Variants in MAP3K20 observed in about 807,000 individuals in gnomAD.
The protein encoded by MAP3K20 is HCCS-4.
A neutral mutation model predicts 85.7 loss-of-function variants in MAP3K20; 40 were observed. The ratio of observed to expected loss-of-function variants is 0.47; its 90% CI spans 0.36 to 0.61. MAP3K20 has a LOEUF of 0.61. MAP3K20 is among the 20% of genes least tolerant of loss of function. The probability of loss-of-function intolerance (pLI) is 0.00; values close to 1 mark genes in which losing one functional copy is unlikely to be tolerated. For synonymous variants in MAP3K20, 325 were observed against 327.7 expected, an observed-to-expected ratio of 0.99 and a Z score of 0.09; for missense variants, 817 against 961.7, an observed-to-expected ratio of 0.85 and a Z score of 1.99.
intron 9 of MAP3K20, among the ~76,000 whole-genome samples, chr2:173,207,816 T>C (rs1373845547): frequency 6.6e-6 from 1 of 152,108 alleles, no homozygotes; most frequent in Non-Finnish European, 1.5e-5. Flanking sequence ...AGACAAAGTG[T>C]TGTATTCTGT....
intron 2 of MAP3K20, among the ~76,000 whole-genome samples, chr2:173,126,101 A>G (rs1688435178): frequency 6.6e-6 from 1 of 152,228 alleles, no homozygotes; most frequent in African/African-American, 2.4e-5. Context: ...AAATTTCTTT[A>G]TGGGACTATA....
At chr2:173,168,989 TCAC>T (rs1689922010) in intron 2 of MAP3K20, among the ~76,000 whole-genome samples, 1 of 152,170 alleles carries the variant, frequency 6.6e-6, no homozygotes, top group South Asian at 2.1e-4. Context: ...TCCTATCGAA[TCAC>T]CACTGAAGGT....
At chr2:173,154,122 C>G (rs1689386682) in intron 2 of MAP3K20, among the ~76,000 whole-genome samples, 1 of 151,976 alleles carries the variant, frequency 6.6e-6, no homozygotes, top group South Asian at 2.1e-4. Context: ...CACATTCTAG[C>G]CAAACTAAAG....
At chr2:173,229,649 A>G (rs1050715541) in intron 11 of MAP3K20, 40 bp from the exon 12 acceptor site, 1 of 1,611,682 alleles carries the variant, frequency 6.2e-7, no homozygotes, top group African/African-American at 1.3e-5. Context: ...CAATGATAAT[A>G]TTACTTTTTT....
intron 1 of MAP3K20, among the ~76,000 whole-genome samples, chr2:173,085,601 G>T (rs1687121965): frequency 1.3e-5 from 2 of 152,006 alleles, no homozygotes; most frequent in Non-Finnish European, 2.9e-5. Context: ...TTACAGAGTT[G>T]TGATGCCTTA....
chr2:173,240,304 AG>A (rs1684751935), intron 16 of MAP3K20, among the ~76,000 whole-genome samples: 1 of 152,202 alleles, frequency 6.6e-6, no homozygotes, highest in Non-Finnish European at 1.5e-5. Flanking sequence ...AGGGAAGCCA[AG>A]GGACCTTATA....
At chr2:173,224,713 C>A in intron 11 of MAP3K20, 1 of 985,370 alleles carries the variant, frequency 1.0e-6, no homozygotes, top group East Asian at 1.1e-4. Flanking sequence ...TCCCAATGTC[C>A]TTCTAGTGGT....
At chr2:173,097,118 C>T (rs1053240572) in intron 2 of MAP3K20, among the ~76,000 whole-genome samples, 5 of 152,210 alleles carry the variant, frequency 3.3e-5, no homozygotes, top group East Asian at 3.9e-4. Context: ...CAGTGGCTCA[C>T]GCCTGTAATC....
At chr2:173,199,629 T>C (rs1470810089) in intron 8 of MAP3K20, among the ~76,000 whole-genome samples, 1 of 151,058 alleles carries the variant, frequency 6.6e-6, no homozygotes, top group Non-Finnish European at 1.5e-5. Flanking sequence ...CTTTTCCCTC[T>C]GCACTATTCC....
chr2:173,246,779 A>C (rs1360344654), intron 16 of MAP3K20, among the ~76,000 whole-genome samples: 1 of 152,174 alleles, frequency 6.6e-6, no homozygotes, highest in Non-Finnish European at 1.5e-5. Flanking sequence ...CTAAACTGAT[A>C]ACCTGACATA....
intron 2 of MAP3K20, among the ~76,000 whole-genome samples, chr2:173,108,133 A>ATTTTTT (rs66464923): frequency 7.8e-6 from 1 of 128,950 alleles, no homozygotes; most frequent in African/African-American, 2.5e-5. Context: ...TGGGATTTTT[A>ATTTTTT]TTTTTTTTTT....
At chr2:173,256,324 C>T (rs552138585) in intron 16 of MAP3K20, among the ~76,000 whole-genome samples, 1 of 152,270 alleles carries the variant, frequency 6.6e-6, no homozygotes, top group Admixed American at 6.5e-5. Context: ...CCTCAGGATT[C>T]TTCATTCTTC....
At chr2:173,150,357 A>C (rs1043510287) in intron 2 of MAP3K20, among the ~76,000 whole-genome samples, 5 of 152,146 alleles carry the variant, frequency 3.3e-5, no homozygotes, top group Non-Finnish European at 5.9e-5. Context: ...TGACCTGACT[A>C]TGCAGGATGA....
intron 1 of MAP3K20, among the ~76,000 whole-genome samples, chr2:173,088,084 T>G (rs1687190820): frequency 6.6e-6 from 1 of 152,098 alleles, no homozygotes; most frequent in Admixed American, 6.6e-5. Context: ...AAAGAGAAAT[T>G]ACTTGTTTTA....
intron 2 of MAP3K20, among the ~76,000 whole-genome samples, chr2:173,159,532 G>A (rs1361606651): frequency 1.3e-5 from 2 of 151,940 alleles, no homozygotes; most frequent in East Asian, 3.9e-4. Flanking sequence ...TGGGACTACA[G>A]GCACATGCCA....
chr2:173,093,515 TAGTG>T (rs892853001), intron 2 of MAP3K20, among the ~76,000 whole-genome samples: 44 of 152,338 alleles, frequency 2.9e-4, no homozygotes, highest in African/African-American at 8.9e-4. Context: ...ACCTCTAGTG[TAGTG>T]AGTATGTACT....
At chr2:173,083,507 C>A (rs1289265292) in intron 1 of MAP3K20, among the ~76,000 whole-genome samples, 1 of 152,036 alleles carries the variant, frequency 6.6e-6, no homozygotes, top group Admixed American at 6.6e-5. Context: ...GTGTGAGCCA[C>A]TGTACCCAGC....
rs188114756 is a variant in MAP3K20, at chr2:173,182,886, A to G, written c.280A>G (p.Ile94Val). ...TTCTCTGGGATCACTCTATGATTAC[A>G]TTAACAGTAACAGAAGTGAGGAGAT... Reference protein sequence around the residue: ...YASLGSLYDYINSNRSEEMDM... With the variant: ...YASLGSLYDYVNSNRSEEMDM... Residue 94 changes from isoleucine to valine, a missense_variant, in exon 4 of 20, where the codon ATT (isoleucine) becomes GTT (valine). Ile to Val is a conservative substitution (Grantham distance 29, BLOSUM62 3). Around this residue, in one of 4 missense-constraint regions of MAP3K20, gnomAD observed 200 missense variants for 302.7 expected, o/e 0.66. Transcript: ENST00000375213. The G allele has an allele frequency of 2.9e-5, 46 of 1,609,650 alleles. No homozygotes were observed. The East Asian group carries it at 9.6e-4, about 34-fold the overall frequency.
chr2:173,209,764 GGA>G lies in MAP3K20; in HGVS notation c.782_783del (p.Glu261ValfsTer5). ...CATTCAAGCAAATCATTTCAATCCT[GGA>G]GTCCATGTCAAATGACACGAGCCTT... ...PSFKQIISILESMSNDTSLPD... is the reference protein window; with the variant it reads ...PSFKQIISILXSMSNDTSLPD... On this transcript the variant is annotated frameshift_variant, in exon 10 of 20. Coordinates refer to ENST00000375213, the MANE Select transcript of MAP3K20 (RefSeq NM_016653.3). LOFTEE classifies it high-confidence loss of function. 2 of 1,612,622 alleles carry G rather than the reference GGA, an allele frequency of 1.2e-6. No homozygotes were observed. The highest frequency in any genetic ancestry group is 1.7e-6 in the Non-Finnish European group (2 of 1,179,546).
Sources: gnomAD v4.1 joint callset for allele counts (sites outside exome capture counted in the v4.1 genomes callset) on GRCh38, gnomAD v4.1.1 for gene constraint, gnomAD v4.1.1 regional missense constraint, MANE v1.5 for transcripts, NCBI Gene and HGNC (gene_info 2026-07-23, HGNC 2026-07-21) for gene names.